Variants in KANSL1L observed in about 807,000 individuals in gnomAD.
The protein encoded by KANSL1L is KAT8 regulatory NSL complex subunit 1 like.
KANSL1L carries 25 observed loss-of-function variants against 108.6 expected under a neutral mutation model. The ratio of observed to expected loss-of-function variants is 0.23; its 90% CI spans 0.17 to 0.32. KANSL1L has a LOEUF of 0.32. Ranked by LOEUF, KANSL1L falls within the 10% of genes least tolerant of loss-of-function variation. The pLI, the probability that KANSL1L is intolerant of heterozygous loss-of-function variation, is 1.00. For missense variants in KANSL1L, 1,137 were observed against 1,125.7 expected (o/e 1.01, Z -0.14); for synonymous variants, 405 against 395.1 (o/e 1.03, Z -0.30).
chr2:210,081,996 T>G (rs910927039), intron 5 of KANSL1L, among the ~76,000 whole-genome samples: 1 of 152,200 alleles, frequency 6.6e-6, no homozygotes, highest in African/African-American at 2.4e-5. Context: ...GCATCTGGTA[T>G]GAACACAGCT....
intron 3 of KANSL1L, among the ~76,000 whole-genome samples, chr2:210,118,706 A>AT (rs1353489105): frequency 6.6e-6 from 1 of 151,752 alleles, no homozygotes; most frequent in Non-Finnish European, 1.5e-5. Context: ...ATTTAGCCAC[A>AT]TGTGGTGGTG....
intron 2 of KANSL1L, among the ~76,000 whole-genome samples, chr2:210,145,806 G>A (rs2095261480): frequency 6.6e-6 from 1 of 152,214 alleles, no homozygotes; most frequent in African/African-American, 2.4e-5. Flanking sequence ...CCACAGCCAT[G>A]ATGGTTCTTG....
At chr2:210,142,471 G>C (rs1046209274) in intron 2 of KANSL1L, among the ~76,000 whole-genome samples, 3 of 151,610 alleles carry the variant, frequency 2.0e-5, no homozygotes, top group African/African-American at 7.3e-5. Flanking sequence ...CTTTTCTATT[G>C]TTTTTCTAAT....
At chr2:210,085,570 AAAAC>A (rs1253223009) in intron 5 of KANSL1L, among the ~76,000 whole-genome samples, 3 of 152,132 alleles carry the variant, frequency 2.0e-5, no homozygotes, top group Non-Finnish European at 4.4e-5. Flanking sequence ...TATTTTAAGG[AAAAC>A]AAAAATACAA....
At chr2:210,130,272 T>C (rs950168544) in intron 2 of KANSL1L, among the ~76,000 whole-genome samples, 2 of 152,182 alleles carry the variant, frequency 1.3e-5, no homozygotes, top group Non-Finnish European at 2.9e-5. Context: ...ACAGGGGATA[T>C]GTGGGAACTC....
intron 3 of KANSL1L, among the ~76,000 whole-genome samples, chr2:210,111,979 C>T (rs1458591019): frequency 3.3e-5 from 5 of 150,182 alleles, no homozygotes; most frequent in South Asian, 2.1e-4. Flanking sequence ...TGAGAACATG[C>T]GGTGTTTGGT....
chr2:210,153,989 C>A lies in KANSL1L; in HGVS notation c.594G>T (p.Lys198Asn). 6.2e-7 allele frequency: 1 copy of A among 1,613,760 alleles called. No individual in the cohort carries two copies. Among genetic ancestry groups the A allele is most frequent in the Non-Finnish European group, 8.5e-7 (1 of 1,180,004 alleles). ...CATTTGAGTGGCCAGGTACAATTTT[C>A]TTTTGAGTACAGTGCAATAAACCCT... is the stretch of plus-strand genomic sequence containing the variant. The part of the protein sequence containing the change: ...IKKGLLHCTQ[K>N]KIVPGHSNVP... Residue 198 changes from lysine (K) to asparagine (N), a missense_variant, in exon 2 of 15, where the codon AAG (lysine) becomes AAT (asparagine). Lys to Asn is a moderately conservative substitution (Grantham distance 94). Around this residue, in one of 3 missense-constraint regions of KANSL1L, gnomAD observed 556 missense variants for 537.7 expected, o/e 1.03. Transcript: ENST00000281772.
intron 11 of KANSL1L, among the ~76,000 whole-genome samples, chr2:210,028,155 C>T (rs1302118341): frequency 6.6e-6 from 1 of 152,216 alleles, no homozygotes; most frequent in Non-Finnish European, 1.5e-5. Context: ...GGGACCTCCA[C>T]AAATCTGGAC....
intron 2 of KANSL1L, among the ~76,000 whole-genome samples, chr2:210,141,450 T>C (rs1480074137): frequency 6.6e-6 from 1 of 152,134 alleles, no homozygotes; most frequent in African/African-American, 2.4e-5. Context: ...AAAAGAGGCC[T>C]GAGGAAGCTT....
intron 3 of KANSL1L, among the ~76,000 whole-genome samples, chr2:210,109,279 TGATA>T (rs1420123784): frequency 6.6e-6 from 1 of 152,152 alleles, no homozygotes; most frequent in African/African-American, 2.4e-5. Context: ...TATAAACTCA[TGATA>T]GATAGAGCCT....
intron 2 of KANSL1L, among the ~76,000 whole-genome samples, chr2:210,140,924 T>C (rs1191825935): frequency 6.6e-6 from 1 of 152,200 alleles, no homozygotes; most frequent in African/African-American, 2.4e-5. Context: ...GACAGCTTAA[T>C]ATTAGTGTAT....
intron 6 of KANSL1L, among the ~76,000 whole-genome samples, chr2:210,046,573 C>G (rs73984322): frequency 0.013 from 1,952 of 152,174 alleles, 44 homozygotes; most frequent in African/African-American, 0.044. Flanking sequence ...ACGGCAAATT[C>G]CATTAAACCT....
intron 3 of KANSL1L, among the ~76,000 whole-genome samples, chr2:210,112,524 T>C (rs1479803308): frequency 6.6e-6 from 1 of 152,156 alleles, no homozygotes; most frequent in Non-Finnish European, 1.5e-5. Context: ...GAGGGTAAAA[T>C]GAAGATATTC....
At chr2:210,116,053 C>T (rs1300055594) in intron 3 of KANSL1L, among the ~76,000 whole-genome samples, 1 of 152,184 alleles carries the variant, frequency 6.6e-6, no homozygotes, top group Non-Finnish European at 1.5e-5. Context: ...AGAGGGGAGC[C>T]CACTGTCCTG....
intron 3 of KANSL1L, among the ~76,000 whole-genome samples, chr2:210,107,027 G>A (rs2094853728): frequency 6.6e-6 from 1 of 151,938 alleles, no homozygotes; most frequent in Non-Finnish European, 1.5e-5. Context: ...AGATAAGAAA[G>A]ACAAAAAATA....
At chr2:210,032,315 A>G (rs1382036879) in intron 8 of KANSL1L, 9 of 152,252 alleles carry the variant, frequency 5.9e-5, no homozygotes, top group Non-Finnish European at 1.3e-4. Flanking sequence ...TACGTTTTAC[A>G]TAGGTACATG....
intron 3 of KANSL1L, among the ~76,000 whole-genome samples, chr2:210,125,306 G>A (rs1474144183): frequency 2.0e-5 from 3 of 151,972 alleles, no homozygotes; most frequent in African/African-American, 4.8e-5. Flanking sequence ...AACTAGTAAG[G>A]AAATTAAATT....
intron 4 of KANSL1L, among the ~76,000 whole-genome samples, chr2:210,100,743 T>G (rs1225517187): frequency 1.3e-5 from 2 of 152,150 alleles, no homozygotes; most frequent in African/African-American, 2.4e-5. Context: ...GCTCAAGTGA[T>G]CCTTCCACCT....
In KANSL1L at chr2:210,129,101, G is replaced by A; in HGVS notation, c.1160C>T (p.Ala387Val). ...TTTGCATTCTAGGTCTGAAATCTGA[G>A]CTTGAAGCCAAGTCCATCGGCTGCC... ...RVGSRWTWLQAQISDLECKIQ... is the reference protein window; with the variant it reads ...RVGSRWTWLQVQISDLECKIQ... Residue 387 changes from alanine (A) to valine (V), a missense_variant, in exon 3 of 15, where the codon GCT (alanine) becomes GTT (valine). Around this residue, in one of 3 missense-constraint regions of KANSL1L, gnomAD observed 556 missense variants for 537.7 expected, o/e 1.03. Transcript: ENST00000281772. The A allele has an allele frequency of 1.9e-6, 3 of 1,613,800 alleles. No homozygotes were observed. Among genetic ancestry groups the A allele is most frequent in the Non-Finnish European group, 2.5e-6 (3 of 1,179,732 alleles).
Sources: allele counts gnomAD v4.1 joint callset (sites outside exome capture counted in the v4.1 genomes callset), GRCh38; gene constraint gnomAD v4.1.1; regional missense constraint gnomAD v4.1.1; transcripts MANE v1.5; gene names NCBI Gene and HGNC (gene_info 2026-07-23, HGNC 2026-07-21).